CLEC12A: variants seen among roughly 807,000 people sequenced by gnomAD.
CLEC12A encodes the protein C-type lectin domain family 12 member A, also known as C-type lectin protein CLL-1.
In CLEC12A, 22 loss-of-function variants were observed where a neutral mutation model predicts 26.5. The ratio of observed to expected loss-of-function variants is 0.83; its 90% CI spans 0.59 to 1.19. CLEC12A has a LOEUF of 1.19. CLEC12A is among the 50% of genes most tolerant of loss of function. The pLI, the probability that CLEC12A is intolerant of heterozygous loss-of-function variation, is 0.00. For missense variants in CLEC12A, 353 were observed against 315.6 expected, an observed-to-expected ratio of 1.12 and a Z score of -0.90; for synonymous variants, 119 against 101.9, an observed-to-expected ratio of 1.17 and a Z score of -1.01.
At chr12:9,967,008 C>T (rs942642748), upstream of CLEC12A, among the ~76,000 whole-genome samples, 124 of 151,638 alleles carry the variant, frequency 8.2e-4, 1 homozygote, top group Admixed American at 7.6e-3. Context: ...GAGGAAATTG[C>T]TGAACAGGTT....
chr12:9,951,508 A>T, intron 1 of CLEC12A: 2 of 652,656 alleles, frequency 3.1e-6, no homozygotes, highest in South Asian at 3.3e-5. Flanking sequence ...GGGGCTTGTT[A>T]GTAATTGAGT....
In CLEC12A at chr12:9,985,472, GA is replaced by G. The variant is rs1864742877; in HGVS notation, c.*447del. The G allele has an allele frequency of 2.5e-6, 1 of 398,924 alleles. No individual in the cohort carries two copies. The highest frequency in any genetic ancestry group is 4.4e-6 in the Non-Finnish European group (1 of 226,350). 24.7% of individuals were successfully genotyped at this position (398,924 alleles called of 1,614,324 possible). A position where few individuals can be genotyped will look rare whatever the true frequency, so the allele number is the denominator to read the frequency against. On this transcript the variant is annotated 3_prime_UTR_variant, in exon 6 of 6. Coordinates refer to ENST00000304361, the MANE Select transcript of CLEC12A (RefSeq NM_138337.6). ...GACTCCCTATGGCTGAAGGCCTTAT[GA>G]GTCAAAGGACTTATAGCCAATTGAT...
intron 1 of CLEC12A, among the ~76,000 whole-genome samples, chr12:9,958,478 G>A (rs1212526600): frequency 6.6e-6 from 1 of 152,168 alleles, no homozygotes; most frequent in African/African-American, 2.4e-5. Context: ...TAAGCCACGG[G>A]GGACTGGCTT....
Position 9,984,883 on chromosome 12 carries a change from G to T in CLEC12A, c.655G>T (p.Ala219Ser). The T allele has an allele frequency of 1.3e-6, 2 of 1,514,004 alleles. No individual in the cohort carries two copies. Among genetic ancestry groups the T allele is most frequent in the Non-Finnish European group, 1.8e-6 (2 of 1,129,288 alleles). 93.8% of individuals were successfully genotyped at this position (1,514,004 alleles called of 1,614,324 possible). Reference protein sequence around the residue: ...INSSAWVIRNAPDLNNMYCGY... With the variant: ...INSSAWVIRNSPDLNNMYCGY... ...TTTCTCTTTCAGGGTTATAAGAAAC[G>T]CACCTGACTTAAATAACATGTATTG... is the stretch of plus-strand genomic sequence containing the variant. The change falls in exon 6 of 6, where the codon GCA (alanine) becomes TCA (serine). Residue 219 changes from alanine to serine, a missense_variant. Ala to Ser is a moderately conservative substitution (Grantham distance 99, BLOSUM62 1). Coordinates refer to ENST00000304361, the MANE Select transcript of CLEC12A (RefSeq NM_138337.6).
chr12:9,999,873 G>T (rs1865135161), downstream of CLEC12A, among the ~76,000 whole-genome samples: 1 of 152,184 alleles, frequency 6.6e-6, no homozygotes. Context: ...TTCAAGTACA[G>T]CTGTGCTTAG....
At chr12:9,970,190 C>T (rs933514721), upstream of CLEC12A, among the ~76,000 whole-genome samples, 42 of 151,252 alleles carry the variant, frequency 2.8e-4, 1 homozygote, top group Admixed American at 1.5e-3. Flanking sequence ...ACAGTATTGA[C>T]GCTTCTAATC....
intron 1 of CLEC12A, among the ~76,000 whole-genome samples, chr12:9,977,721 T>C (rs1864394116): frequency 6.6e-6 from 1 of 152,174 alleles, no homozygotes; most frequent in Non-Finnish European, 1.5e-5. Flanking sequence ...GTCTCACTTA[T>C]ATATCTATTT....
At chr12:9,982,248 CT>C (rs1864589969) in intron 5 of CLEC12A, 119 bp downstream of exon 5, 2 of 615,968 alleles carry the variant, frequency 3.2e-6, no homozygotes, top group Non-Finnish European at 2.9e-6. Context: ...TAAAAGAACC[CT>C]TTTCTATCAT....
chr12:9,968,217 A>C (rs565596222), upstream of CLEC12A, among the ~76,000 whole-genome samples: 10 of 152,200 alleles, frequency 6.6e-5, no homozygotes, highest in Admixed American at 3.3e-4. Context: ...GCAGGAGGAC[A>C]GGGGATTGAT....
At position 9,980,695 on chromosome 12, in the gene CLEC12A, A is replaced by T; in HGVS notation, c.493A>T (p.Asn165Tyr). The T allele has an allele frequency of 6.2e-7, 1 of 1,613,740 alleles. No homozygotes were observed. The highest frequency in any genetic ancestry group is 8.5e-7 in the Non-Finnish European group (1 of 1,179,788). The change falls in exon 4 of 6, where the codon AAT (asparagine) becomes TAT (tyrosine). Residue 165 changes from asparagine to tyrosine, a missense_variant. Asn to Tyr is a moderately radical substitution (Grantham distance 143, BLOSUM62 -2). Transcript: ENST00000304361. ...QESKMACAAQ[N>Y]ASLLKINNKN... is the part of the protein sequence containing the mutation. ...GAGTAAAATGGCCTGTGCTGCTCAG[A>T]ATGCCAGCCTGTTGAAGATAAACAA...
downstream of CLEC12A, among the ~76,000 whole-genome samples, chr12:9,989,735 C>A (rs566065776): frequency 2.0e-5 from 3 of 152,276 alleles, no homozygotes; most frequent in Admixed American, 1.3e-4. Context: ...CTAGATGAAA[C>A]AGCTTTGTAT....
intron 4 of CLEC12A, 77 bp downstream of exon 4, chr12:9,980,810 C>G: frequency 2.7e-6 from 4 of 1,463,424 alleles, no homozygotes; most frequent in Non-Finnish European, 3.7e-6. Flanking sequence ...TCAACCCACT[C>G]ATGATTCTGG....
intron 1 of CLEC12A, among the ~76,000 whole-genome samples, chr12:9,965,946 G>A (rs957594933): frequency 1.3e-5 from 2 of 152,108 alleles, no homozygotes; most frequent in African/African-American, 4.8e-5. Flanking sequence ...GGGAGGATGT[G>A]AAGGAGGCTT....
intron 4 of CLEC12A, chr12:9,993,146 A>G: frequency 6.2e-7 from 1 of 1,608,922 alleles, no homozygotes; most frequent in Non-Finnish European, 8.5e-7. Context: ...CTTTGCATTA[A>G]GGTAGTTGGT....
chr12:9,994,653 G>A (rs1347678664), intron 4 of CLEC12A, among the ~76,000 whole-genome samples: 1 of 152,046 alleles, frequency 6.6e-6, no homozygotes, highest in Non-Finnish European at 1.5e-5. Flanking sequence ...GAAATACAAT[G>A]TATCGAATTC....
downstream of CLEC12A, chr12:9,986,230 A>G (rs952772559): frequency 2.6e-5 from 11 of 421,336 alleles, no homozygotes; most frequent in East Asian, 7.4e-5. Flanking sequence ...GTGCGTCAGA[A>G]CAGAAAAAGG....
chr12:9,985,530 A>T lies in CLEC12A; in HGVS notation c.*504A>T, dbSNP rs1408476403. ...AGGCCAGGTAAGAATGGATATGGAC[A>T]TGCATTTATTACCTCTTAAAATTAT... On this transcript the variant is annotated 3_prime_UTR_variant, in exon 6 of 6. Transcript: ENST00000304361. The T allele has an allele frequency of 2.5e-6, 1 of 398,560 alleles. No individual in the cohort carries two copies. Among genetic ancestry groups the T allele is most frequent in the Non-Finnish European group, 4.4e-6 (1 of 226,134 alleles). 24.7% of individuals were successfully genotyped at this position (398,560 alleles called of 1,614,324 possible). A position where few individuals can be genotyped will look rare whatever the true frequency, so the allele number is the denominator to read the frequency against.
In CLEC12A at chr12:9,982,054, A is replaced by G. The variant is rs773151943; in HGVS notation, c.566A>G (p.Tyr189Cys). The change falls in exon 5 of 6, where the codon TAT becomes TGT. Residue 189 changes from tyrosine to cysteine, a missense_variant. Physicochemically the swap from Tyr to Cys is radical, Grantham distance 194. Transcript: ENST00000304361. ...FIKSQSRSYD[Y>C]WLGLSPEEDS... ...AAATCCCAGAGTAGATCATATGACT[A>G]TTGGCTGGGATTATCTCCTGAAGAA... 5 of 1,594,384 alleles carry G rather than the reference A, an allele frequency of 3.1e-6. No individual in the cohort carries two copies. In the South Asian group the frequency reaches 3.3e-5, roughly 11 times the overall value.
intron 4 of CLEC12A, chr12:9,991,463 A>G (rs185663111): frequency 1.3e-5 from 2 of 152,242 alleles, no homozygotes; most frequent in East Asian, 3.9e-4. Flanking sequence ...TTGAGTTGCT[A>G]ATTTTGTACA....
Sources: allele counts gnomAD v4.1 joint callset (sites outside exome capture counted in the v4.1 genomes callset), GRCh38; gene constraint gnomAD v4.1.1; transcripts MANE v1.5; gene names NCBI Gene and HGNC (gene_info 2026-07-23, HGNC 2026-07-21).